Variants in NCKAP5 observed in about 807,000 individuals in gnomAD.
NCKAP5 encodes nck-associated protein 5.
A neutral mutation model predicts 167.0 loss-of-function variants in NCKAP5; 92 were observed. The ratio of observed to expected loss-of-function variants is 0.55; its 90% CI spans 0.47 to 0.66. The LOEUF (loss-of-function observed/expected upper bound fraction) is 0.66, where lower values mean the gene tolerates loss of function less well. Among genes scored for constraint, NCKAP5 ranks in the 30% least tolerant of loss-of-function variants. NCKAP5 has a pLI of 0.00. For synonymous variants in NCKAP5, 891 were observed against 877.4 expected (o/e 1.02, Z -0.27); for missense variants, 2,378 against 2,315.0 (o/e 1.03, Z -0.56).
intron 19 of NCKAP5, among the ~76,000 whole-genome samples, chr2:132,714,587 G>T (rs1464990095): frequency 2.0e-5 from 3 of 152,148 alleles, no homozygotes; most frequent in African/African-American, 7.2e-5. Context: ...GGAAGCCGAG[G>T]CTGGCGGATC....
intron 6 of NCKAP5, among the ~76,000 whole-genome samples, chr2:133,037,927 T>C (rs2079089633): frequency 6.6e-6 from 1 of 151,868 alleles, no homozygotes; most frequent in Admixed American, 6.6e-5. Context: ...AATATACTTG[T>C]CCCAGTTAAA....
the NCKAP5 span, among the ~76,000 whole-genome samples, chr2:133,642,446 A>G: frequency 7.2e-5 from 11 of 152,306 alleles, no homozygotes; most frequent in African/African-American, 2.6e-4. Context: ...TTGTCTTCAG[A>G]ATTTGGCAGT....
At chr2:133,020,415 C>T (rs909357041) in intron 6 of NCKAP5, among the ~76,000 whole-genome samples, 7 of 152,076 alleles carry the variant, frequency 4.6e-5, no homozygotes, top group East Asian at 1.9e-4. Context: ...GGGCAGAAAA[C>T]AGAAGAGGAG....
At chr2:133,589,710 G>A in the NCKAP5 span, among the ~76,000 whole-genome samples, 2 of 152,206 alleles carry the variant, frequency 1.3e-5, no homozygotes, top group African/African-American at 4.8e-5. Context: ...TTATATGGAT[G>A]TAGGGAGCCA....
intron 5 of NCKAP5, among the ~76,000 whole-genome samples, chr2:133,170,429 A>T (rs1260933465): frequency 2.0e-5 from 3 of 152,172 alleles, no homozygotes; most frequent in African/African-American, 7.2e-5. Context: ...ATATGAGGAT[A>T]ATGGTTTGTC....
chr2:133,407,729 A>C (rs1302118280), intron 3 of NCKAP5, among the ~76,000 whole-genome samples: 1 of 152,228 alleles, frequency 6.6e-6, no homozygotes, highest in Non-Finnish European at 1.5e-5. Context: ...AAACATTACA[A>C]CAAAAACACG....
chr2:133,593,775 C>A, the NCKAP5 span, among the ~76,000 whole-genome samples: 3 of 152,186 alleles, frequency 2.0e-5, no homozygotes, highest in African/African-American at 7.2e-5. Flanking sequence ...TCTCTTCCAG[C>A]CTCTGTTTCT....
At chr2:133,539,909 G>T (rs1162738143) in intron 2 of NCKAP5, among the ~76,000 whole-genome samples, 1 of 152,300 alleles carries the variant, frequency 6.6e-6, no homozygotes, top group South Asian at 2.1e-4. Flanking sequence ...GGCTGGGCGC[G>T]GTGGCTCACG....
intron 3 of NCKAP5, among the ~76,000 whole-genome samples, chr2:133,350,099 C>A (rs1415136601): frequency 6.6e-6 from 1 of 151,932 alleles, no homozygotes; most frequent in Non-Finnish European, 1.5e-5. Flanking sequence ...AAAATGCAAA[C>A]CTGGCTGGGA....
chr2:132,983,238 G>C (rs2077192262), intron 7 of NCKAP5, among the ~76,000 whole-genome samples: 2 of 152,130 alleles, frequency 1.3e-5, no homozygotes, highest in Non-Finnish European at 2.9e-5. Context: ...AGGTACAGAA[G>C]CATATAATCA....
rs139912612 is a variant in NCKAP5 at position 133,452,162 on chromosome 2, A to T, written c.69+65296T>A. ...CCAAAAATAATAATGCTTGGCCCCA[A>T]ATACCATGTCAAATGCAGCCTCCTC... On this transcript the variant is annotated intron_variant, in intron 3 of 19. Transcript: ENST00000409261. Among the ~76,000 whole-genome samples, 527 of 152,320 alleles carry T rather than the reference A, an allele frequency of 3.5e-3. 6 individuals carry two copies. Among genetic ancestry groups the T allele is most frequent in the African/African-American group, 0.011 (466 of 41,584 alleles).
chr2:133,521,706 C>T (rs577846183), intron 2 of NCKAP5, among the ~76,000 whole-genome samples: 40 of 152,240 alleles, frequency 2.6e-4, no homozygotes, highest in African/African-American at 8.7e-4. Flanking sequence ...ACGTTAGAGC[C>T]CCACACTTAT....
At chr2:133,162,591 CG>C (rs2083838848) in intron 5 of NCKAP5, among the ~76,000 whole-genome samples, 1 of 152,224 alleles carries the variant, frequency 6.6e-6, no homozygotes, top group South Asian at 2.1e-4. Flanking sequence ...CCCTTGAGAC[CG>C]TCACCTATTA....
At chr2:132,903,229 A>C (rs1693764310) in intron 8 of NCKAP5, among the ~76,000 whole-genome samples, 1 of 152,142 alleles carries the variant, frequency 6.6e-6, no homozygotes. Context: ...TTTAAACCAA[A>C]AATGCAGTTC....
chr2:132,937,447 G>A (rs1696939318), intron 8 of NCKAP5, among the ~76,000 whole-genome samples: 1 of 152,218 alleles, frequency 6.6e-6, no homozygotes, highest in Admixed American at 6.5e-5. Flanking sequence ...ACTGGGAAAG[G>A]AGATTTGAAG....
chr2:132,770,614 C>T (rs1681955529), intron 16 of NCKAP5, among the ~76,000 whole-genome samples: 1 of 151,978 alleles, frequency 6.6e-6, no homozygotes, highest in African/African-American at 2.4e-5. Flanking sequence ...AATTATCTAT[C>T]AAAAACATGG....
intron 3 of NCKAP5, among the ~76,000 whole-genome samples, chr2:133,307,466 A>T (rs1680861836): frequency 6.6e-6 from 1 of 152,164 alleles, no homozygotes; most frequent in Non-Finnish European, 1.5e-5. Context: ...TTAACGGAAA[A>T]CAATCCACAC....
intron 3 of NCKAP5, among the ~76,000 whole-genome samples, chr2:133,388,214 G>A (rs1028520641): frequency 1.3e-5 from 2 of 152,126 alleles, no homozygotes; most frequent in African/African-American, 4.8e-5. Flanking sequence ...GTACAGATGG[G>A]GCTTTGGTGT....
At chr2:133,464,796 T>C (rs533895209) in intron 3 of NCKAP5, among the ~76,000 whole-genome samples, 15 of 152,230 alleles carry the variant, frequency 9.9e-5, no homozygotes, top group African/African-American at 3.1e-4. Flanking sequence ...TGCCACCTTG[T>C]CATTGCCTTC....
Sources: allele counts gnomAD v4.1 joint callset (sites outside exome capture counted in the v4.1 genomes callset), GRCh38; gene constraint gnomAD v4.1.1; transcripts MANE v1.5; gene names NCBI Gene and HGNC (gene_info 2026-07-23, HGNC 2026-07-21).